The following ARHGAP21 variants were observed in gnomAD, a reference collection of about 807,000 sequenced individuals.
ARHGAP21 encodes Rho GTPase activating protein 21.
ARHGAP21 carries 38 observed loss-of-function variants against 164.6 expected under a neutral mutation model. The observed-to-expected ratio is 0.23, with a 90% CI of 0.18 to 0.30. The LOEUF is 0.30. Among genes scored for constraint, ARHGAP21 ranks in the 10% least tolerant of loss-of-function variants. ARHGAP21 has a pLI of 1.00. For synonymous variants in ARHGAP21, 766 were observed against 857.9 expected (o/e 0.89, Z 1.87); for missense variants, 1,822 against 2,370.7 (o/e 0.77, Z 4.81).
At chr10:24,608,940 G>A (rs1205585021) in intron 9 of ARHGAP21, among the ~76,000 whole-genome samples, 2 of 152,118 alleles carry the variant, frequency 1.3e-5, no homozygotes, top group African/African-American at 4.8e-5. Flanking sequence ...ATTCAATGAG[G>A]ATAACAATTT....
Position 24,600,677 on chromosome 10 carries a change from G to A in ARHGAP21, c.3101C>T (p.Thr1034Met), listed in dbSNP as rs747302284. ...GTTTAGGTTGCTGCTCTCCTGGATC[G>A]TCTTGATCCAAGCTAGCATATCATC... ...DRDDMLAWIK[T>M]IQESSNLNEE... is the part of the protein sequence containing the mutation. The change falls in exon 14 of 26, where the codon ACG (threonine) becomes ATG (methionine). Residue 1034 changes from threonine to methionine, a missense_variant. Coordinates refer to ENST00000396432, the MANE Select transcript of ARHGAP21 (RefSeq NM_020824.4). 3.2e-5 allele frequency: 51 copies of A among 1,613,734 alleles called. 1 individual carries two copies. The South Asian group carries it at 4.1e-4, about 13-fold the overall frequency.
Position 24,585,856 on chromosome 10 carries a change from C to A in ARHGAP21, c.4433G>T (p.Ser1478Ile). Residue 1478 changes from serine to isoleucine, a missense_variant, in exon 26 of 26, where the codon AGC becomes ATC. Physicochemically the swap from Ser to Ile is moderately radical, Grantham distance 142 (BLOSUM62 -2). Coordinates refer to ENST00000396432, the MANE Select transcript of ARHGAP21 (RefSeq NM_020824.4). ...KQKIIIAKEN[S>I]TRKDPSTTKD... ...TGTCGTGCTGGGGTCTTTCCTAGTG[C>A]TGTTTTCTTTGGCAATGATGATCTT... 2.5e-6 allele frequency: 4 copies of A among 1,613,972 alleles called. No homozygotes were observed. The highest frequency in any genetic ancestry group is 3.4e-6 in the Non-Finnish European group (4 of 1,179,878).
chr10:24,655,746 C>A (rs992716637), intron 4 of ARHGAP21, among the ~76,000 whole-genome samples: 5 of 134,822 alleles, frequency 3.7e-5, no homozygotes, highest in African/African-American at 1.4e-4. Context: ...TCCGCCCGGC[C>A]GCCATCCCAT....
intron 2 of ARHGAP21, among the ~76,000 whole-genome samples, chr10:24,696,512 T>C (rs967074619): frequency 2.6e-5 from 4 of 152,178 alleles, no homozygotes; most frequent in Non-Finnish European, 5.9e-5. Context: ...ACTGTGCCTC[T>C]GTAGTGGGGC....
intron 7 of ARHGAP21, among the ~76,000 whole-genome samples, chr10:24,625,206 A>G (rs1835002265): frequency 6.6e-6 from 1 of 150,994 alleles, no homozygotes; most frequent in South Asian, 2.1e-4. Context: ...GTAACTAAAT[A>G]ACCCTAAAAT....
At chr10:24,709,641 G>A (rs1844574901) in intron 2 of ARHGAP21, among the ~76,000 whole-genome samples, 3 of 151,818 alleles carry the variant, frequency 2.0e-5, no homozygotes, top group Admixed American at 6.6e-5. Context: ...TCAGGAGACT[G>A]GACAGAAAGA....
At chr10:24,645,948 G>T (rs1254508386) in intron 4 of ARHGAP21, among the ~76,000 whole-genome samples, 1 of 152,144 alleles carries the variant, frequency 6.6e-6, no homozygotes, top group African/African-American at 2.4e-5. Context: ...TCTCTAACAG[G>T]TGACATGTGC....
chr10:24,589,062 T>C, intron 25 of ARHGAP21, among the ~76,000 whole-genome samples: 1 of 152,194 alleles, frequency 6.6e-6, no homozygotes, highest in Middle Eastern at 3.2e-3. Flanking sequence ...AACTGCACAA[T>C]GAGAAGAATA....
At chr10:24,670,170 A>G (rs1345866667) in intron 3 of ARHGAP21, 48 bp downstream of exon 3, 2 of 1,388,178 alleles carry the variant, frequency 1.4e-6, no homozygotes, top group African/African-American at 2.9e-5. Flanking sequence ...AGGGGATAGG[A>G]ATGGCCTTGT....
intron 24 of ARHGAP21, chr10:24,590,255 A>G: frequency 1.3e-6 from 2 of 1,489,366 alleles, no homozygotes; most frequent in Non-Finnish European, 1.8e-6. Flanking sequence ...GAAACAGCAG[A>G]AAAACTTTTA....
intron 17 of ARHGAP21, 199 bp from the exon 18 acceptor site, chr10:24,596,242 TGAAA>T (rs72127466): frequency 0.27 from 126,800 of 476,752 alleles, 18,273 homozygotes; most frequent in Admixed American, 0.28. Flanking sequence ...ACAAAGAGAC[TGAAA>T]GAAAGAGAGG....
At chr10:24,594,140 G>C (rs569255610) in intron 21 of ARHGAP21, among the ~76,000 whole-genome samples, 1 of 150,658 alleles carries the variant, frequency 6.6e-6, no homozygotes, top group Non-Finnish European at 1.5e-5. Context: ...TTCTTCTCCA[G>C]AAATTAAAAC....
chr10:24,687,889 C>T (rs547611657), intron 2 of ARHGAP21, among the ~76,000 whole-genome samples: 103 of 152,288 alleles, frequency 6.8e-4, no homozygotes, highest in African/African-American at 1.6e-3. Context: ...GCTTGATGAG[C>T]TATGATTATC....
intron 6 of ARHGAP21, among the ~76,000 whole-genome samples, chr10:24,631,058 T>C (rs1324205406): frequency 1.3e-5 from 2 of 152,204 alleles, no homozygotes; most frequent in Admixed American, 1.3e-4. Flanking sequence ...TAAACAAAAC[T>C]GAATCCTGTG....
At chr10:24,722,710 C>T (rs1846049694) in intron 1 of ARHGAP21, 1 of 152,030 alleles carries the variant, frequency 6.6e-6, no homozygotes, top group South Asian at 2.1e-4. Context: ...CAAAGCCAGC[C>T]TGGCTGGGGC....
rs151033142 is a variant in ARHGAP21, at chr10:24,674,296, G to A, written c.64-3899C>T. 9.9e-3 allele frequency among the ~76,000 whole-genome samples: 1,506 copies of A among 152,320 alleles called. 21 individuals are homozygous for A. Among genetic ancestry groups the A allele is most frequent in the East Asian group, 0.038 (196 of 5,178 alleles). On this transcript the variant is annotated intron_variant, in intron 2 of 25. Transcript: ENST00000396432. ...CACCTGTAATCCCAGCACTTTGGGA[G>A]GCTAAAGTGAGGGGATCACCTGAGG...
intron 4 of ARHGAP21, among the ~76,000 whole-genome samples, chr10:24,658,818 T>TA (rs927367223): frequency 2.6e-4 from 25 of 95,680 alleles, no homozygotes; most frequent in South Asian, 6.9e-4. Flanking sequence ...CCTAAAGTAT[T>TA]AAAAAAAAAT....
At chr10:24,646,518 G>A (rs1837587339) in intron 4 of ARHGAP21, among the ~76,000 whole-genome samples, 1 of 152,096 alleles carries the variant, frequency 6.6e-6, no homozygotes, top group South Asian at 2.1e-4. Context: ...CAAGCCTGTG[G>A]TCCCAGCTAT....
At chr10:24,658,866 A>G (rs1839377050) in intron 4 of ARHGAP21, among the ~76,000 whole-genome samples, 1 of 152,204 alleles carries the variant, frequency 6.6e-6, no homozygotes, top group South Asian at 2.1e-4. Flanking sequence ...CCAATTTAAA[A>G]ACAGGCAATG....
Sources: allele counts gnomAD v4.1 joint callset (sites outside exome capture counted in the v4.1 genomes callset), GRCh38; gene constraint gnomAD v4.1.1; transcripts MANE v1.5; gene names NCBI Gene and HGNC (gene_info 2026-07-23, HGNC 2026-07-21).